The following TOP2B variants were observed in gnomAD, a reference collection of about 807,000 sequenced individuals.
The protein encoded by TOP2B is DNA topoisomerase II beta.
A neutral mutation model predicts 193.5 loss-of-function variants in TOP2B; 51 were observed. The ratio of observed to expected loss-of-function variants is 0.26; its 90% CI spans 0.21 to 0.33. The LOEUF is 0.33. TOP2B is among the 10% of genes least tolerant of loss of function. TOP2B has a pLI of 1.00. For synonymous variants in TOP2B, 634 were observed against 635.7 expected (o/e 1.00, Z 0.04); for missense variants, 1,378 against 1,909.3 (o/e 0.72, Z 5.19).
In TOP2B at chr3:25,636,108, A is replaced by G; in HGVS notation, c.680T>C (p.Ile227Thr). 1 of 1,606,572 alleles carries G rather than the reference A, an allele frequency of 6.2e-7. No homozygotes were observed. Among genetic ancestry groups the G allele is most frequent in the Non-Finnish European group, 8.5e-7 (1 of 1,175,658 alleles). ...NNMMKTSEAK[I>T]KHFDGEDYTC... ...GTAATCTTCACCATCAAAATGTTTA[A>G]TTTTGGCTTCAGAAGTCTTCATCAT... is the stretch of plus-strand genomic sequence containing the variant. Residue 227 changes from isoleucine (I) to threonine (T), a missense_variant, in exon 7 of 36, where the codon ATT becomes ACT. Around this residue, in one of 9 missense-constraint regions of TOP2B, gnomAD observed 222 missense variants for 306.6 expected, o/e 0.72. Coordinates refer to ENST00000264331, the MANE Select transcript of TOP2B (RefSeq NM_001330700.2).
At chr3:25,616,160 G>A (rs990500014) in intron 25 of TOP2B, among the ~76,000 whole-genome samples, 1 of 151,726 alleles carries the variant, frequency 6.6e-6, no homozygotes, top group Non-Finnish European at 1.5e-5. Context: ...ATTTCGTCAG[G>A]GTTTTGCTGA....
At chr3:25,649,158 A>G (rs1703508029) in intron 1 of TOP2B, among the ~76,000 whole-genome samples, 3 of 152,330 alleles carry the variant, frequency 2.0e-5, no homozygotes, top group Non-Finnish European at 2.9e-5. Flanking sequence ...TAAATCAGCA[A>G]ATTTGAAGAC....
intron 4 of TOP2B, among the ~76,000 whole-genome samples, chr3:25,638,837 T>C (rs1559504242): frequency 6.6e-6 from 1 of 152,198 alleles, no homozygotes; most frequent in Non-Finnish European, 1.5e-5. Context: ...CTGGTATTTA[T>C]TTCTGTAATC....
chr3:25,629,482 G>T (rs948493418), intron 13 of TOP2B, among the ~76,000 whole-genome samples: 7 of 152,026 alleles, frequency 4.6e-5, no homozygotes, highest in Non-Finnish European at 1.0e-4. Flanking sequence ...GGGAAACCCA[G>T]GTAATACAGA....
At chr3:25,635,594 A>C (rs1703084644) in intron 7 of TOP2B, among the ~76,000 whole-genome samples, 1 of 152,106 alleles carries the variant, frequency 6.6e-6, no homozygotes, top group African/African-American at 2.4e-5. Context: ...CTCTTCAGGA[A>C]ACTTGATGCA....
At chr3:25,655,404 C>CATTTCTA (rs1380001414) in intron 1 of TOP2B, among the ~76,000 whole-genome samples, 2 of 152,150 alleles carry the variant, frequency 1.3e-5, no homozygotes, top group African/African-American at 4.8e-5. Context: ...GAAACTGGAA[C>CATTTCTA]ATTTCTACAC....
chr3:25,632,381 A>G (rs1702985841), intron 10 of TOP2B, 65 bp downstream of exon 10: 22 of 1,363,944 alleles, frequency 1.6e-5, no homozygotes, highest in Non-Finnish European at 1.0e-6. Context: ...CAAATAAAGT[A>G]AATCAAGAAA....
chr3:25,624,015 T>G (rs1216774884), intron 20 of TOP2B, among the ~76,000 whole-genome samples: 1 of 152,206 alleles, frequency 6.6e-6, no homozygotes, highest in Non-Finnish European at 1.5e-5. Flanking sequence ...TTTAAAGAAT[T>G]TCCTATTACT....
intron 26 of TOP2B, 50 bp downstream of exon 26, chr3:25,615,381 C>T (rs763031160): frequency 1.3e-6 from 2 of 1,533,852 alleles, no homozygotes; most frequent in East Asian, 2.3e-5. Flanking sequence ...GAAAAAGATA[C>T]AGATAACACT....
At chr3:25,624,856 A>G (rs1024648806) in intron 18 of TOP2B, 53 bp from the exon 19 acceptor site, 1 of 1,535,096 alleles carries the variant, frequency 6.5e-7, no homozygotes, top group Non-Finnish European at 8.8e-7. Flanking sequence ...AGTTGTAACA[A>G]TTCAGGGGAA....
At chr3:25,649,570 G>C (rs1703519354) in intron 1 of TOP2B, among the ~76,000 whole-genome samples, 1 of 146,680 alleles carries the variant, frequency 6.8e-6, no homozygotes, top group Admixed American at 6.8e-5. Flanking sequence ...AACCTTGCAA[G>C]ATAGAAGGGA....
intron 34 of TOP2B, 115 bp downstream of exon 34, chr3:25,600,985 T>A: frequency 9.3e-7 from 1 of 1,074,260 alleles, no homozygotes; most frequent in Non-Finnish European, 1.3e-6. Context: ...TACTGAGGAG[T>A]AAAGCAATTT....
intron 1 of TOP2B, among the ~76,000 whole-genome samples, chr3:25,660,526 T>C (rs1703877922): frequency 6.6e-6 from 1 of 152,136 alleles, no homozygotes; most frequent in African/African-American, 2.4e-5. Flanking sequence ...AGATTTAGAC[T>C]AGTAAAGAGA....
At chr3:25,619,737 GGA>G in intron 23 of TOP2B, 123 bp downstream of exon 23, 1 of 632,556 alleles carries the variant, frequency 1.6e-6, no homozygotes, top group Non-Finnish European at 2.7e-6. Context: ...CTGCAGGATG[GGA>G]AAAAAAAAAA....
At chr3:25,644,167 C>T (rs1462945947) in intron 2 of TOP2B, among the ~76,000 whole-genome samples, 1 of 150,530 alleles carries the variant, frequency 6.6e-6, no homozygotes, top group African/African-American at 2.4e-5. Context: ...ACTTTGGAGT[C>T]AGAGAGATCT....
chr3:25,614,042 C>G (rs932225477), intron 27 of TOP2B, among the ~76,000 whole-genome samples: 14 of 151,978 alleles, frequency 9.2e-5, no homozygotes, highest in African/African-American at 2.9e-4. Flanking sequence ...TTAAATGATA[C>G]AGAGAGACAT....
chr3:25,630,619 T>C (rs1702927984), intron 11 of TOP2B, 150 bp from the exon 12 acceptor site: 2 of 853,878 alleles, frequency 2.3e-6, no homozygotes, highest in Middle Eastern at 3.6e-4. Flanking sequence ...ATTAAGTATA[T>C]TTTATTAAAT....
chr3:25,611,705 T>C (rs1702375762), intron 28 of TOP2B, among the ~76,000 whole-genome samples: 3 of 151,974 alleles, frequency 2.0e-5, no homozygotes, highest in East Asian at 1.9e-4. Context: ...TAATCCTCAA[T>C]AGCACCTATC....
chr3:25,615,142 G>T, intron 27 of TOP2B, 63 bp downstream of exon 27: 4 of 1,441,802 alleles, frequency 2.8e-6, no homozygotes, highest in Admixed American at 2.0e-5. Flanking sequence ...TCACTTAAAA[G>T]AATTTCATTC....
Sources: gnomAD v4.1 joint callset for allele counts (sites outside exome capture counted in the v4.1 genomes callset) on GRCh38, gnomAD v4.1.1 for gene constraint, gnomAD v4.1.1 regional missense constraint, MANE v1.5 for transcripts, NCBI Gene and HGNC (gene_info 2026-07-23, HGNC 2026-07-21) for gene names.